The following ITIH5 variants were observed in gnomAD, a reference collection of about 807,000 sequenced individuals.
The protein encoded by ITIH5 is inter-alpha-trypsin inhibitor heavy chain 5.
A neutral mutation model predicts 77.5 loss-of-function variants in ITIH5; 65 were observed. The ratio of observed to expected loss-of-function variants is 0.84; its 90% CI spans 0.69 to 1.03. The LOEUF is 1.03. Among genes scored for constraint, ITIH5 ranks in the 50% least tolerant of loss-of-function variants. The probability of loss-of-function intolerance (pLI) is 0.00; values close to 1 mark genes in which losing one functional copy is unlikely to be tolerated. For synonymous variants in ITIH5, 525 were observed against 494.3 expected, an observed-to-expected ratio of 1.06 and a Z score of -0.82; for missense variants, 1,208 against 1,213.1, an observed-to-expected ratio of 1.00 and a Z score of 0.06.
At chr10:7,594,685 T>C (rs1030850685) in intron 7 of ITIH5, among the ~76,000 whole-genome samples, 1 of 152,174 alleles carries the variant, frequency 6.6e-6, no homozygotes, top group Non-Finnish European at 1.5e-5. Flanking sequence ...TTTCAACTCA[T>C]TGTCTTTATA....
intron 8 of ITIH5, among the ~76,000 whole-genome samples, chr10:7,581,653 T>C (rs565402962): frequency 6.6e-6 from 1 of 152,120 alleles, no homozygotes; most frequent in South Asian, 2.1e-4. Context: ...TTTTTCTGCA[T>C]GTATGTTACA....
At chr10:7,582,032 T>G (rs112671920) in intron 8 of ITIH5, among the ~76,000 whole-genome samples, 1 of 151,686 alleles carries the variant, frequency 6.6e-6, no homozygotes, top group Non-Finnish European at 1.5e-5. Context: ...CACGCCACCA[T>G]GCCTGGCTAA....
chr10:7,647,625 C>T (rs1834027892), intron 2 of ITIH5, among the ~76,000 whole-genome samples: 1 of 152,168 alleles, frequency 6.6e-6, no homozygotes, highest in Non-Finnish European at 1.5e-5. Context: ...GTTTGCAACC[C>T]CACTTCAGTG....
intron 7 of ITIH5, among the ~76,000 whole-genome samples, chr10:7,612,529 A>G (rs1365513991): frequency 6.6e-6 from 1 of 152,202 alleles, no homozygotes; most frequent in Non-Finnish European, 1.5e-5. Flanking sequence ...GTGAATAAAA[A>G]CATCAGAAGA....
chr10:7,587,933 C>A (rs1242978434), intron 7 of ITIH5, among the ~76,000 whole-genome samples: 4 of 152,182 alleles, frequency 2.6e-5, no homozygotes, highest in Non-Finnish European at 5.9e-5. Flanking sequence ...CCACTGCTTT[C>A]GTATCCTTTC....
chr10:7,641,365 A>G (rs1020127906), intron 3 of ITIH5, among the ~76,000 whole-genome samples: 6 of 152,008 alleles, frequency 3.9e-5, no homozygotes, highest in Admixed American at 1.3e-4. Flanking sequence ...CATCTTTATC[A>G]TATTTGCAAC....
intron 13 of ITIH5, among the ~76,000 whole-genome samples, chr10:7,565,117 G>T: frequency 7.5e-6 from 1 of 132,582 alleles, no homozygotes; most frequent in African/African-American, 3.4e-5. Context: ...TACAGACTGT[G>T]TATATATACA....
intron 7 of ITIH5, among the ~76,000 whole-genome samples, chr10:7,589,500 G>A (rs960479822): frequency 3.3e-5 from 5 of 152,024 alleles, no homozygotes; most frequent in African/African-American, 1.2e-4. Flanking sequence ...CACCTGCCCA[G>A]GGACAAGAAC....
intron 9 of ITIH5, among the ~76,000 whole-genome samples, chr10:7,577,741 C>T (rs1443111721): frequency 6.6e-6 from 1 of 152,220 alleles, no homozygotes; most frequent in Non-Finnish European, 1.5e-5. Context: ...AGTTAGACTT[C>T]CATCTCTGTT....
At chr10:7,563,408 G>C (rs780661368) in intron 13 of ITIH5, 24 bp from the exon 14 acceptor site, 25 of 1,600,854 alleles carry the variant, frequency 1.6e-5, no homozygotes, top group Non-Finnish European at 2.0e-5. Flanking sequence ...GAAAAGCATC[G>C]GGTCTCAGTC....
intron 5 of ITIH5, among the ~76,000 whole-genome samples, chr10:7,623,570 A>G (rs753222665): frequency 7.2e-5 from 11 of 151,880 alleles, no homozygotes; most frequent in Non-Finnish European, 1.3e-4. Context: ...TTGGGAGGCC[A>G]AGGCAGGCGG....
chr10:7,618,913 G>A (rs1833422224), intron 5 of ITIH5: 1 of 152,200 alleles, frequency 6.6e-6, no homozygotes, highest in Non-Finnish European at 1.5e-5. Flanking sequence ...GGAACCACAA[G>A]GTAGAACAGA....
intron 4 of ITIH5, among the ~76,000 whole-genome samples, chr10:7,640,182 G>T (rs1166823590): frequency 6.9e-6 from 1 of 144,532 alleles, no homozygotes; most frequent in African/African-American, 2.5e-5. Flanking sequence ...CTACGTACAG[G>T]CCAGGCATAG....
chr10:7,584,067 T>A (rs1468891099), intron 8 of ITIH5, among the ~76,000 whole-genome samples: 1 of 152,158 alleles, frequency 6.6e-6, no homozygotes, highest in African/African-American at 2.4e-5. Flanking sequence ...ATTCTACAGA[T>A]GAGGAAACTG....
intron 11 of ITIH5, chr10:7,570,293 C>T (rs1410382636): frequency 6.6e-6 from 1 of 152,522 alleles, no homozygotes; most frequent in Non-Finnish European, 1.5e-5. Flanking sequence ...TACGCCACCC[C>T]TGCACGCAGG....
rs776611832 is a variant in ITIH5 at position 7,666,810 on chromosome 10, G to A, written c.83C>T (p.Ser28Leu). The change falls in exon 1 of 14, where the codon TCG becomes TTG. Residue 28 changes from serine to leucine, a missense_variant. By Grantham distance (145) the Ser-to-Leu change is moderately radical (BLOSUM62 -2). Transcript: ENST00000397146. ...QEEAQSWGHS[S>L]EQDGLRVPRQ... is the part of the protein sequence containing the mutation. ...CCCCTCGGCTCCACTTACCTGCTCC[G>A]AAGAGTGGCCCCAGCTCTGCGCCTC... 2.5e-6 allele frequency: 4 copies of A among 1,607,154 alleles called. No homozygotes were observed. Among genetic ancestry groups the A allele is most frequent in the East Asian group, 2.3e-5 (1 of 44,434 alleles).
chr10:7,644,476 TATAATCACATATATATC>T (rs1398196255), intron 2 of ITIH5, among the ~76,000 whole-genome samples: 2 of 115,020 alleles, frequency 1.7e-5, no homozygotes, highest in South Asian at 2.8e-4. Flanking sequence ...ATAGATCATA[TATAATCACATATATATC>T]ATAATCACAT....
In ITIH5 at chr10:7,579,826, T is replaced by C; in HGVS notation, c.1347A>G (p.Lys449=). 6.2e-7 allele frequency: 1 copy of C among 1,613,866 alleles called. No homozygotes were observed. Among genetic ancestry groups the C allele is most frequent in the Non-Finnish European group, 8.5e-7 (1 of 1,179,742 alleles). Residue 449 remains lysine, a synonymous_variant, in exon 9 of 14, where the codon AAA becomes AAG. Coordinates refer to ENST00000397146, the MANE Select transcript of ITIH5 (RefSeq NM_030569.7). ...TGAGGCCACAGTTCTCCAGCGACAG[T>C]TTCTCCAGCAGCCTGAAGTCCACGT... is the stretch of plus-strand genomic sequence containing the variant. ...GNDVDFRLLE[K]LSLENCGLTR... is the part of the protein sequence containing the mutation.
Position 7,579,939 on chromosome 10 carries a change from C to A in ITIH5, c.1234G>T (p.Gly412Trp). ...VFLTDGKPTVGETHTLKILNN... is the reference protein window; with the variant it reads ...VFLTDGKPTVWETHTLKILNN... ...AGGATCTTGAGGGTGTGCGTCTCCC[C>A]GACCGTGGGCTTCCCATCCGTCAGG... The change falls in exon 9 of 14, where the codon GGG becomes TGG. Residue 412 changes from glycine to tryptophan, a missense_variant. By Grantham distance (184) the Gly-to-Trp change is radical. Transcript: ENST00000397146. The A allele has an allele frequency of 6.2e-7, 1 of 1,614,208 alleles. No homozygotes were observed.
Sources: gnomAD v4.1 joint callset for allele counts (sites outside exome capture counted in the v4.1 genomes callset) on GRCh38, gnomAD v4.1.1 for gene constraint, MANE v1.5 for transcripts, NCBI Gene and HGNC (gene_info 2026-07-23, HGNC 2026-07-21) for gene names.